Variants in ADAMTS18 observed in about 807,000 individuals in gnomAD.
ADAMTS18 encodes A disintegrin and metalloproteinase with thrombospondin motifs 18.
A neutral mutation model predicts 165.9 loss-of-function variants in ADAMTS18; 157 were observed. The observed-to-expected ratio is 0.95, with a 90% CI of 0.83 to 1.08. The LOEUF (loss-of-function observed/expected upper bound fraction) is 1.08. ADAMTS18 is among the 50% of genes least tolerant of loss of function. The pLI is 0.00. For synonymous variants in ADAMTS18, 782 were observed against 578.2 expected (o/e 1.35, Z -5.06); for missense variants, 2,040 against 1,534.0 (o/e 1.33, Z -5.51).
intron 3 of ADAMTS18, among the ~76,000 whole-genome samples, chr16:77,422,745 G>A (rs1015046128): frequency 2.0e-5 from 3 of 152,112 alleles, no homozygotes; most frequent in Non-Finnish European, 4.4e-5. Flanking sequence ...AGCCTGAGAT[G>A]AAGTTTTCTA....
intron 3 of ADAMTS18, among the ~76,000 whole-genome samples, chr16:77,389,765 G>A (rs2057160601): frequency 1.3e-5 from 2 of 152,234 alleles, no homozygotes; most frequent in Admixed American, 1.3e-4. Flanking sequence ...CTCCATGTGA[G>A]GGAGCAGAGG....
At chr16:77,324,860 C>T (rs2056065079) in intron 13 of ADAMTS18, among the ~76,000 whole-genome samples, 1 of 152,190 alleles carries the variant, frequency 6.6e-6, no homozygotes, top group African/African-American at 2.4e-5. Flanking sequence ...CTCATTACTT[C>T]CTCCTAAGAC....
intron 3 of ADAMTS18, among the ~76,000 whole-genome samples, chr16:77,409,701 G>C (rs1164126964): frequency 2.0e-5 from 3 of 152,040 alleles, no homozygotes; most frequent in African/African-American, 7.2e-5. Flanking sequence ...GCCTTGTCTT[G>C]AATCTCAGCT....
intron 3 of ADAMTS18, among the ~76,000 whole-genome samples, chr16:77,421,418 T>A (rs1423144524): frequency 1.3e-5 from 2 of 152,244 alleles, no homozygotes; most frequent in South Asian, 2.1e-4. Context: ...CAAATGTTTT[T>A]GGTCATGAAA....
chr16:77,336,673 T>G (rs909074925), intron 11 of ADAMTS18, among the ~76,000 whole-genome samples: 1 of 152,234 alleles, frequency 6.6e-6, no homozygotes, highest in Non-Finnish European at 1.5e-5. Flanking sequence ...TTTTCTGTAT[T>G]AACCTTTCCA....
chr16:77,291,152 C>T, intron 21 of ADAMTS18, 114 bp downstream of exon 21: 2 of 1,194,818 alleles, frequency 1.7e-6, no homozygotes, highest in Non-Finnish European at 2.4e-6. Flanking sequence ...AACTTGAGCC[C>T]TTAGTTGTTT....
chr16:77,424,812 C>T (rs534807619), intron 3 of ADAMTS18, among the ~76,000 whole-genome samples: 1 of 152,282 alleles, frequency 6.6e-6, no homozygotes, highest in South Asian at 2.1e-4. Context: ...CAGTCTAATC[C>T]TTAACTTCAC....
At chr16:77,327,507 C>T (rs557686813) in intron 12 of ADAMTS18, among the ~76,000 whole-genome samples, 42 of 152,306 alleles carry the variant, frequency 2.8e-4, no homozygotes, top group African/African-American at 9.9e-4. Context: ...AAATGCCCAT[C>T]AATCAACGAG....
intron 3 of ADAMTS18, among the ~76,000 whole-genome samples, chr16:77,373,886 T>A (rs2055666065): frequency 6.6e-6 from 1 of 152,106 alleles, no homozygotes; most frequent in South Asian, 2.1e-4. Flanking sequence ...GTCACCTGAG[T>A]ATCTCTGATG....
chr16:77,293,371 A>G, intron 19 of ADAMTS18, 113 bp from the exon 20 acceptor site: 1 of 944,782 alleles, frequency 1.1e-6, no homozygotes, highest in South Asian at 1.4e-5. Context: ...AAACTCCATG[A>G]ACTAAAGCTC....
At chr16:77,332,136 A>G (rs1425461827) in intron 12 of ADAMTS18, among the ~76,000 whole-genome samples, 3 of 152,196 alleles carry the variant, frequency 2.0e-5, no homozygotes, top group Non-Finnish European at 4.4e-5. Context: ...GTCTGTGGTC[A>G]TAGATCAGAA....
chr16:77,330,347 G>T (rs1345138858), intron 12 of ADAMTS18, among the ~76,000 whole-genome samples: 1 of 152,066 alleles, frequency 6.6e-6, no homozygotes, highest in Non-Finnish European at 1.5e-5. Context: ...ATCCCTTATG[G>T]GGTGATAGTT....
At position 77,349,094 on chromosome 16, in the gene ADAMTS18, G is replaced by C. The variant is rs540288477; in HGVS notation, c.1614+4639C>G. 2.0e-5 allele frequency among the ~76,000 whole-genome samples: 3 copies of C among 152,278 alleles called. No individual in the cohort carries two copies. The South Asian group carries it at 6.2e-4, about 32-fold the overall frequency. On this transcript the variant is annotated intron_variant, in intron 10 of 22. Transcript: ENST00000282849. The stretch of plus-strand genomic sequence containing the variant: ...AGTAATAGTATAATAGTATCAAATA[G>C]TATGATTCCATGCTAGGAAGTTTCT...
intron 3 of ADAMTS18, among the ~76,000 whole-genome samples, chr16:77,428,199 G>T (rs769968499): frequency 6.6e-6 from 1 of 151,982 alleles, no homozygotes; most frequent in Non-Finnish European, 1.5e-5. Flanking sequence ...ATCTCTTCTC[G>T]GTCTCTGTAT....
chr16:77,327,086 C>T (rs1011916265), intron 12 of ADAMTS18, among the ~76,000 whole-genome samples: 1 of 152,214 alleles, frequency 6.6e-6, no homozygotes, highest in Admixed American at 6.5e-5. Context: ...ATTTCTTTAT[C>T]CAGTCTGCTG....
At chr16:77,363,317 T>A (rs928363961) in intron 6 of ADAMTS18, among the ~76,000 whole-genome samples, 1 of 152,174 alleles carries the variant, frequency 6.6e-6, no homozygotes, top group Non-Finnish European at 1.5e-5. Flanking sequence ...AAGATGGTAC[T>A]GGGGATACAG....
chr16:77,412,161 G>C (rs73634685), intron 3 of ADAMTS18, among the ~76,000 whole-genome samples: 7,312 of 152,102 alleles, frequency 0.048, 588 homozygotes, highest in African/African-American at 0.17. Flanking sequence ...CAAAAAGACT[G>C]AGTAAGGAAG....
At chr16:77,352,510 T>C (rs1372108000) in intron 10 of ADAMTS18, among the ~76,000 whole-genome samples, 1 of 152,204 alleles carries the variant, frequency 6.6e-6, no homozygotes, top group Non-Finnish European at 1.5e-5. Flanking sequence ...GTAATAATTC[T>C]TCCTTGAAGG....
rs1370638828 is a variant in ADAMTS18 at position 77,283,656 on chromosome 16, A to G, written c.*300T>C. 1 of 347,210 alleles carries G rather than the reference A, an allele frequency of 2.9e-6. No individual in the cohort carries two copies. The highest frequency in any genetic ancestry group is 4.4e-5 in the Admixed American group (1 of 22,666). The allele number at this position is 347,210 out of a possible 1,614,324, so 21.5% of individuals were successfully genotyped here. A position where few individuals can be genotyped will look rare whatever the true frequency, so the allele number is the denominator to read the frequency against. ...AGTTCAAAAGGGGGTCTCTCCCCAA[A>G]TCGACGTATCTCAGTGTGATTCACC... is the stretch of plus-strand genomic sequence containing the variant. On this transcript the variant is annotated 3_prime_UTR_variant, in exon 23 of 23. Coordinates refer to ENST00000282849, the MANE Select transcript of ADAMTS18 (RefSeq NM_199355.4).
Sources: allele counts gnomAD v4.1 joint callset (sites outside exome capture counted in the v4.1 genomes callset), GRCh38; gene constraint gnomAD v4.1.1; transcripts MANE v1.5; gene names NCBI Gene and HGNC (gene_info 2026-07-23, HGNC 2026-07-21).